The following AKAP7 variants were observed in gnomAD, a reference collection of about 807,000 sequenced individuals.
The protein encoded by AKAP7 is A-kinase anchoring protein 7, also known as A kinase (PRKA) anchor protein 7.
A neutral mutation model predicts 39.5 loss-of-function variants in AKAP7; 39 were observed. That is an observed-to-expected ratio of 0.99 (90% CI 0.76 to 1.29). The LOEUF is 1.29. Ranked by LOEUF, AKAP7 falls within the 50% of genes most tolerant of loss-of-function variation. AKAP7 has a pLI of 0.00. For synonymous variants in AKAP7, 140 were observed against 139.1 expected, an observed-to-expected ratio of 1.01 and a Z score of -0.05; for missense variants, 414 against 407.7, an observed-to-expected ratio of 1.02 and a Z score of -0.13.
chr6:131,242,478 C>T (rs1161293327), intron 7 of AKAP7, among the ~76,000 whole-genome samples: 7 of 150,392 alleles, frequency 4.7e-5, no homozygotes, highest in Admixed American at 4.7e-4. Flanking sequence ...TAGGCTTTTC[C>T]CCCCTTTTTT....
intron 3 of AKAP7, among the ~76,000 whole-genome samples, chr6:131,163,618 C>T (rs1050676141): frequency 1.3e-5 from 2 of 151,938 alleles, no homozygotes; most frequent in African/African-American, 4.8e-5. Flanking sequence ...CTTAGAAGTT[C>T]GGAATTCTTT....
chr6:131,198,750 A>G (rs1355704184), intron 5 of AKAP7, among the ~76,000 whole-genome samples: 1 of 152,164 alleles, frequency 6.6e-6, no homozygotes, highest in South Asian at 2.1e-4. Flanking sequence ...TTCTTGTTAA[A>G]GTACTAGACA....
chr6:131,191,159 G>T lies in AKAP7; in HGVS notation c.590-8302G>T, dbSNP rs778634769. On this transcript the variant is annotated intron_variant, in intron 5 of 7. Transcript: ENST00000431975. ...TATGCTCTAATCAGTCAAATCTTAG[G>T]AACATAGTAAGTTAGTCCATCATGA... Among the ~76,000 whole-genome samples the T allele has an allele frequency of 8.9e-4, 136 of 152,282 alleles. No homozygotes were observed. The Middle Eastern group carries it at 0.01, about 11-fold the overall frequency.
At chr6:131,188,560 C>T (rs1293108334) in intron 5 of AKAP7, among the ~76,000 whole-genome samples, 1 of 152,040 alleles carries the variant, frequency 6.6e-6, no homozygotes, top group Non-Finnish European at 1.5e-5. Flanking sequence ...TTTTTTAAGA[C>T]CGTGTATCAC....
chr6:131,162,118 C>T (rs1803030287), intron 3 of AKAP7, among the ~76,000 whole-genome samples: 1 of 152,158 alleles, frequency 6.6e-6, no homozygotes, highest in South Asian at 2.1e-4. Flanking sequence ...CCCCTCCTAG[C>T]TGTGTTATGG....
At chr6:131,152,252 C>T (rs537051121) in intron 2 of AKAP7, among the ~76,000 whole-genome samples, 6 of 152,316 alleles carry the variant, frequency 3.9e-5, no homozygotes, top group Admixed American at 3.9e-4. Flanking sequence ...GTTGAGAGGT[C>T]CTGGGCCTGT....
chr6:131,276,477 TAA>T (rs1814753530), intron 7 of AKAP7, among the ~76,000 whole-genome samples: 1 of 152,136 alleles, frequency 6.6e-6, no homozygotes, highest in Non-Finnish European at 1.5e-5. Context: ...TATGCCATCC[TAA>T]CTTTGTGAAT....
At chr6:131,178,508 C>T (rs993473809) in intron 5 of AKAP7, among the ~76,000 whole-genome samples, 1 of 152,222 alleles carries the variant, frequency 6.6e-6, no homozygotes, top group Non-Finnish European at 1.5e-5. Flanking sequence ...TACACCCATA[C>T]ACCACTCTGC....
rs1195962833 is a variant in AKAP7 at position 131,282,653 on chromosome 6, T to C, written c.*927T>C. The C allele has an allele frequency of 6.2e-6, 9 of 1,446,542 alleles. No individual in the cohort carries two copies. Among genetic ancestry groups the C allele is most frequent in the Non-Finnish European group, 8.4e-6 (9 of 1,073,338 alleles). The allele number at this position is 1,446,542 out of a possible 1,614,324, so 89.6% of individuals were successfully genotyped here. A position where few individuals can be genotyped will look rare whatever the true frequency, so the allele number is the denominator to read the frequency against. ...CATAGCTTATGAAATCTTTTCAGCT[T>C]ATTAAGTAGCTCTTTGGTAAACACC... On this transcript the variant is annotated 3_prime_UTR_variant, in exon 8 of 8. Transcript: ENST00000431975.
intron 6 of AKAP7, among the ~76,000 whole-genome samples, chr6:131,201,311 A>C (rs1384486741): frequency 6.6e-6 from 1 of 152,222 alleles, no homozygotes; most frequent in Non-Finnish European, 1.5e-5. Flanking sequence ...ACTATGTGCC[A>C]GACACTGGGT....
chr6:131,268,856 G>A (rs1017314078), intron 7 of AKAP7, among the ~76,000 whole-genome samples: 3 of 152,102 alleles, frequency 2.0e-5, no homozygotes, highest in Non-Finnish European at 2.9e-5. Flanking sequence ...TTACATGAAT[G>A]TAATAATATT....
At chr6:131,175,135 G>A (rs1438146559) in intron 5 of AKAP7, among the ~76,000 whole-genome samples, 1 of 152,186 alleles carries the variant, frequency 6.6e-6, no homozygotes, top group East Asian at 1.9e-4. Flanking sequence ...CATGTTTGCT[G>A]TTGATTAAGT....
chr6:131,265,497 G>A (rs1165728251), intron 7 of AKAP7, among the ~76,000 whole-genome samples: 1 of 152,140 alleles, frequency 6.6e-6, no homozygotes, highest in Non-Finnish European at 1.5e-5. Flanking sequence ...CAGATAAAGT[G>A]GGCCATAGAG....
chr6:131,239,568 T>G (rs1431801959), intron 7 of AKAP7, among the ~76,000 whole-genome samples: 1 of 152,224 alleles, frequency 6.6e-6, no homozygotes, highest in Non-Finnish European at 1.5e-5. Flanking sequence ...TTTGGTCTTT[T>G]CACATAGTGC....
intron 5 of AKAP7, among the ~76,000 whole-genome samples, chr6:131,194,585 G>C (rs1227457244): frequency 6.6e-6 from 1 of 152,082 alleles, no homozygotes; most frequent in African/African-American, 2.4e-5. Context: ...TTTCGTTTTT[G>C]AATTTCTGTC....
chr6:131,242,088 C>T, intron 7 of AKAP7: 2 of 982,868 alleles, frequency 2.0e-6, no homozygotes, highest in Non-Finnish European at 2.4e-6. Flanking sequence ...ATATAAAATG[C>T]CTAAGGGACT....
chr6:131,127,849 T>C, the AKAP7 span, among the ~76,000 whole-genome samples: 1 of 152,146 alleles, frequency 6.6e-6, no homozygotes, highest in Non-Finnish European at 1.5e-5. Flanking sequence ...GCAACCATAA[T>C]AAAGAATGAA....
chr6:131,142,441 A>G (rs887895502), intron 1 of AKAP7, among the ~76,000 whole-genome samples: 1 of 152,246 alleles, frequency 6.6e-6, no homozygotes, highest in African/African-American at 2.4e-5. Context: ...TTTGGAGAGC[A>G]CAAGCCACTG....
intron 7 of AKAP7, among the ~76,000 whole-genome samples, chr6:131,276,995 T>C (rs1814797161): frequency 6.6e-6 from 1 of 152,172 alleles, no homozygotes; most frequent in Non-Finnish European, 1.5e-5. Flanking sequence ...ATATTTTTGC[T>C]ACCACAAAGG....
Sources: allele counts gnomAD v4.1 joint callset (sites outside exome capture counted in the v4.1 genomes callset), GRCh38; gene constraint gnomAD v4.1.1; transcripts MANE v1.5; gene names NCBI Gene and HGNC (gene_info 2026-07-23, HGNC 2026-07-21).